TMEM9: variants seen among roughly 807,000 people sequenced by gnomAD.
TMEM9 encodes the protein transmembrane protein 9.
A neutral mutation model predicts 22.8 loss-of-function variants in TMEM9; 13 were observed. The observed-to-expected ratio is 0.57, with a 90% CI of 0.37 to 0.91. TMEM9 has a LOEUF of 0.91. TMEM9 is among the 40% of genes least tolerant of loss of function. TMEM9 has a pLI of 0.01. For synonymous variants in TMEM9, 88 were observed against 93.0 expected (o/e 0.95, Z 0.31); for missense variants, 182 against 238.1 (o/e 0.76, Z 1.55).
upstream of TMEM9, among the ~76,000 whole-genome samples, chr1:201,156,352 C>T (rs1238598971): frequency 6.6e-6 from 1 of 152,208 alleles, no homozygotes; most frequent in Non-Finnish European, 1.5e-5. Context: ...GAAATGCACT[C>T]CCTTCCTGTG....
At chr1:201,166,266 C>A (rs1666075722) in intron 1 of TMEM9, among the ~76,000 whole-genome samples, 1 of 152,088 alleles carries the variant, frequency 6.6e-6, no homozygotes, top group African/African-American at 2.4e-5. Context: ...ACACCACTGG[C>A]CCCAGTTAGT....
intron 1 of TMEM9, among the ~76,000 whole-genome samples, chr1:201,160,711 C>T (rs1275863042): frequency 2.0e-5 from 3 of 151,754 alleles, no homozygotes; most frequent in South Asian, 4.2e-4. Flanking sequence ...CTGAGGTGGG[C>T]AGATCACGAA....
intron 1 of TMEM9, among the ~76,000 whole-genome samples, chr1:201,166,869 G>A (rs776573467): frequency 6.6e-5 from 10 of 152,128 alleles, no homozygotes; most frequent in East Asian, 1.9e-4. Context: ...TGGTTCTGCC[G>A]CAGCTCTGCT....
At chr1:201,143,184 C>T (rs1160508865) in intron 4 of TMEM9, among the ~76,000 whole-genome samples, 4 of 152,228 alleles carry the variant, frequency 2.6e-5, no homozygotes, top group Non-Finnish European at 5.9e-5. Context: ...CAGATAAAGC[C>T]AAACCCCCTT....
intron 3 of TMEM9, 136 bp downstream of exon 3, chr1:201,146,603 AC>A (rs1558110860): frequency 2.2e-6 from 2 of 921,174 alleles, no homozygotes; most frequent in African/African-American, 1.6e-5. Flanking sequence ...CAGTGTCTGC[AC>A]TAGGCCAGCC....
chr1:201,162,354 C>T (rs1226118488), intron 1 of TMEM9, among the ~76,000 whole-genome samples: 1 of 151,814 alleles, frequency 6.6e-6, no homozygotes, highest in Admixed American at 6.6e-5. Context: ...CCAGGTTGAT[C>T]TTGAACTCCT....
intron 4 of TMEM9, among the ~76,000 whole-genome samples, chr1:201,138,677 C>T (rs537601474): frequency 4.9e-4 from 74 of 152,324 alleles, no homozygotes; most frequent in African/African-American, 1.4e-3. Flanking sequence ...ATGTGCCAGG[C>T]GCTCTGCTAG....
intron 4 of TMEM9, among the ~76,000 whole-genome samples, chr1:201,143,313 G>C (rs1664684096): frequency 6.6e-6 from 1 of 152,104 alleles, no homozygotes; most frequent in South Asian, 2.1e-4. Flanking sequence ...CACATACTTG[G>C]CAATGTCCCC....
rs1663917543 is a variant in TMEM9 at position 201,135,619 on chromosome 1, G to A, written c.*44C>T. On this transcript the variant is annotated 3_prime_UTR_variant, in exon 5 of 5. Coordinates refer to ENST00000367330, the MANE Select transcript of TMEM9 (RefSeq NM_001288565.2). ...CCCTGCTTTGTCCAGCCTGGAAGCT[G>A]GCAGCCATGGTGTTGGGGCCTTGAC... 6.5e-7 allele frequency: 1 copy of A among 1,532,134 alleles called. No homozygotes were observed. Among genetic ancestry groups the A allele is most frequent in the Admixed American group, 2.0e-5 (1 of 49,904 alleles). 94.9% of individuals were successfully genotyped at this position (1,532,134 alleles called of 1,614,324 possible).
intron 2 of TMEM9, among the ~76,000 whole-genome samples, chr1:201,147,640 G>C (rs1216239264): frequency 6.6e-6 from 1 of 152,172 alleles, no homozygotes; most frequent in Non-Finnish European, 1.5e-5. Context: ...GCAGCCAAGT[G>C]GTTTTCCAGA....
chr1:201,160,137 TA>T (rs1665904776), intron 1 of TMEM9, among the ~76,000 whole-genome samples: 1 of 152,258 alleles, frequency 6.6e-6, no homozygotes, highest in African/African-American at 2.4e-5. Context: ...AGGGTTATGG[TA>T]AGGCCCTGGG....
rs1410876979 is a variant in TMEM9 at position 201,135,701 on chromosome 1, G to A, written c.514C>T (p.Arg172Trp). Residue 172 changes from arginine to tryptophan, a missense_variant, in exon 5 of 5, where the codon CGG becomes TGG. Coordinates refer to ENST00000367330, the MANE Select transcript of TMEM9 (RefSeq NM_001288565.2). Reference protein sequence around the residue: ...QRWKLQVQEQRKTVFDRHKML... With the variant: ...QRWKLQVQEQWKTVFDRHKML... The stretch of plus-strand genomic sequence containing the variant: ...TTGTGCCGATCGAAGACTGTCTTCC[G>A]CTGCTCCTGCACCTGCAGCTTCCAC... 1.2e-6 allele frequency: 2 copies of A among 1,613,560 alleles called. No individual in the cohort carries two copies. The highest frequency in any genetic ancestry group is 1.7e-5 in the Admixed American group (1 of 59,960).
chr1:201,139,976 G>A (rs575166205), intron 4 of TMEM9, among the ~76,000 whole-genome samples: 7 of 152,340 alleles, frequency 4.6e-5, no homozygotes, highest in African/African-American at 1.2e-4. Flanking sequence ...TGCCCTCAGG[G>A]GAGGAGGCCG....
In TMEM9 at chr1:201,154,105, C is replaced by T. The variant is rs2274235; in HGVS notation, c.-182G>A. The T allele has an allele frequency of 5.9e-3, 4,046 of 689,132 alleles. 178 individuals are homozygous for T. The East Asian group carries it at 0.095, about 16-fold the overall frequency. 42.7% of individuals were successfully genotyped at this position (689,132 alleles called of 1,614,324 possible). A position where few individuals can be genotyped will look rare whatever the true frequency, so the allele number is the denominator to read the frequency against. On this transcript the variant is annotated 5_prime_UTR_variant, in exon 1 of 5. Transcript: ENST00000367330. Reference sequence around the variant, plus strand: ...GGCCTGCTAAACCTGGTCGCCAAACCCTGCTTCCCTCCCGCCCAACTCTCC... The same window carrying T: ...GGCCTGCTAAACCTGGTCGCCAAACTCTGCTTCCCTCCCGCCCAACTCTCC...
At chr1:201,151,951 T>C in intron 1 of TMEM9, 99 bp from the exon 2 acceptor site, 1 of 867,038 alleles carries the variant, frequency 1.2e-6, no homozygotes, top group Non-Finnish European at 1.9e-6. Context: ...CCCCATCCTG[T>C]TAGGTGAACC....
At chr1:201,146,016 C>A (rs967789576) in intron 3 of TMEM9, among the ~76,000 whole-genome samples, 3 of 152,180 alleles carry the variant, frequency 2.0e-5, no homozygotes, top group African/African-American at 7.2e-5. Flanking sequence ...CTGTGTGTGC[C>A]AGGTGCCTGG....
Position 201,153,892 on chromosome 1 carries a change from C to G in TMEM9, c.32G>C (p.Gly11Ala). 6.2e-7 allele frequency: 1 copy of G among 1,613,924 alleles called. No homozygotes were observed. The highest frequency in any genetic ancestry group is 8.5e-7 in the Non-Finnish European group (1 of 1,179,888). The change falls in exon 1 of 5, where the codon GGG (glycine) becomes GCG (alanine). Residue 11 changes from glycine (G) to alanine (A), a missense_variant. Physicochemically the swap from Gly to Ala is moderately conservative, Grantham distance 60. Transcript: ENST00000367330. MKLLSLVAVV[G>A]CLLVPPAEAN... ...TTCAGCTGGGGGCACCAGCAAACAC[C>G]CGACCACAGCCACCAAAGATAAGAG...
At chr1:201,159,078 A>G (rs566219384), upstream of TMEM9, among the ~76,000 whole-genome samples, 4 of 152,254 alleles carry the variant, frequency 2.6e-5, no homozygotes, top group East Asian at 5.8e-4. Context: ...TTGACTTCCT[A>G]ATTTTTGCAT....
At chr1:201,137,471 AACACACACACACACACACAC>A (rs144662228) in intron 4 of TMEM9, among the ~76,000 whole-genome samples, 12 of 146,660 alleles carry the variant, frequency 8.2e-5, no homozygotes, top group South Asian at 4.5e-4. Context: ...CAAATTATCT[AACACACACACACACACACAC>A]ACACACACAC....
Sources: allele counts gnomAD v4.1 joint callset (sites outside exome capture counted in the v4.1 genomes callset), GRCh38; gene constraint gnomAD v4.1.1; transcripts MANE v1.5; gene names NCBI Gene and HGNC (gene_info 2026-07-23, HGNC 2026-07-21).